The following SEZ6L2 variants were observed in gnomAD, a reference collection of about 807,000 sequenced individuals.
The protein encoded by SEZ6L2 is seizure 6-like protein 2.
Under a neutral mutation model 97.0 loss-of-function variants are expected in SEZ6L2, and 44 were observed. The ratio of observed to expected loss-of-function variants is 0.45; its 90% CI spans 0.36 to 0.58. The LOEUF is 0.58. Among genes scored for constraint, SEZ6L2 ranks in the 20% least tolerant of loss-of-function variants. SEZ6L2 has a pLI of 0.00. For synonymous variants in SEZ6L2, 543 were observed against 546.1 expected, an observed-to-expected ratio of 0.99 and a Z score of 0.08; for missense variants, 1,086 against 1,233.3, an observed-to-expected ratio of 0.88 and a Z score of 1.79.
At chr16:29,888,428 C>A (rs1273975690) in intron 6 of SEZ6L2, 112 bp downstream of exon 6, 5 of 1,142,350 alleles carry the variant, frequency 4.4e-6, no homozygotes, top group Non-Finnish European at 6.3e-6. Context: ...AGGGTAAACA[C>A]CCCTTCAGAA....
chr16:29,899,137 G>A lies in SEZ6L2; in HGVS notation c.-118C>T. 1 of 707,860 alleles carries A rather than the reference G, an allele frequency of 1.4e-6. No individual in the cohort carries two copies. The highest frequency in any genetic ancestry group is 2.2e-6 in the Non-Finnish European group (1 of 451,212). 43.8% of individuals were successfully genotyped at this position (707,860 alleles called of 1,614,324 possible). A position where few individuals can be genotyped will look rare whatever the true frequency, so the allele number is the denominator to read the frequency against. On this transcript the variant is annotated 5_prime_UTR_variant, in exon 1 of 18. In the 5' UTR this introduces an upstream ATG that the reference lacks. Transcript: ENST00000617533. ...TTTTTTTTTTTTTTTTTTTTTCCTC[G>A]TAGGAGTCAGCAAAGAAAGACAATT...
chr16:29,875,967 C>A (rs1399474634), intron 12 of SEZ6L2, among the ~76,000 whole-genome samples: 1 of 152,010 alleles, frequency 6.6e-6, no homozygotes, highest in Admixed American at 6.6e-5. Flanking sequence ...TAAATGTCAC[C>A]TCCTCTGTGA....
rs540553288 is a variant in SEZ6L2 at position 29,873,849 on chromosome 16, C to T, written c.2105-120G>A. On this transcript the variant is annotated intron_variant, in intron 12 of 17. Coordinates refer to ENST00000617533, the MANE Select transcript of SEZ6L2 (RefSeq NM_001243332.2). The surrounding 1 kb of genome is among the most constrained non-coding windows in gnomAD (Gnocchi z 4.3). ...ATTAGCCAGGAGTGGTGGCGCACTC[C>T]TGTGGTTCCAGCTACTCAGGAGTTG... is the stretch of plus-strand genomic sequence containing the variant. The T allele has an allele frequency of 2.5e-5, 22 of 882,176 alleles. 1 individual carries two copies. The highest frequency in any genetic ancestry group is 3.7e-5 in the Non-Finnish European group (22 of 595,144). 54.6% of individuals were successfully genotyped at this position (882,176 alleles called of 1,614,324 possible).
chr16:29,874,229 G>A (rs1222001859), intron 12 of SEZ6L2, among the ~76,000 whole-genome samples: 3 of 152,146 alleles, frequency 2.0e-5, no homozygotes, highest in African/African-American at 4.8e-5. Context: ...GAAACCCCAA[G>A]CCCCTATCCT....
At chr16:29,887,298 G>A (rs904854119) in intron 7 of SEZ6L2, among the ~76,000 whole-genome samples, 1 of 151,378 alleles carries the variant, frequency 6.6e-6, no homozygotes, top group African/African-American at 2.4e-5. Context: ...CCCTGAGGTG[G>A]GGACTTCTTT....
chr16:29,893,997 A>C (rs952116773), intron 5 of SEZ6L2, among the ~76,000 whole-genome samples: 2 of 152,162 alleles, frequency 1.3e-5, no homozygotes, highest in Non-Finnish European at 2.9e-5. Context: ...CAGCCTCCCA[A>C]GTAACTGGGA....
In SEZ6L2 at chr16:29,871,200, T is replaced by G; in HGVS notation, c.*499A>C. 1 of 176,132 alleles carries G rather than the reference T, an allele frequency of 5.7e-6. No homozygotes were observed. The highest frequency in any genetic ancestry group is 1.2e-5 in the Non-Finnish European group (1 of 80,726). The allele number at this position is 176,132 out of a possible 1,614,324, so 10.9% of individuals were successfully genotyped here. ...TCTGTTTATTGCTCAAAAACAAGAA[T>G]TCAGAAGCAAAGGTGGAGAGACTGT... On this transcript the variant is annotated 3_prime_UTR_variant, in exon 18 of 18. Transcript: ENST00000617533.
chr16:29,873,846 C>A lies in SEZ6L2; in HGVS notation c.2105-117G>T. The A allele has an allele frequency of 1.1e-6, 1 of 898,924 alleles. No homozygotes were observed. The highest frequency in any genetic ancestry group is 1.6e-6 in the Non-Finnish European group (1 of 609,694). The allele number at this position is 898,924 out of a possible 1,614,324, so 55.7% of individuals were successfully genotyped here. A position where few individuals can be genotyped will look rare whatever the true frequency, so the allele number is the denominator to read the frequency against. On this transcript the variant is annotated intron_variant, in intron 12 of 17. Coordinates refer to ENST00000617533, the MANE Select transcript of SEZ6L2 (RefSeq NM_001243332.2). This position sits in a 1 kb window ranked among gnomAD's most constrained non-coding sequence, Gnocchi z 4.3. ...AAAATTAGCCAGGAGTGGTGGCGCA[C>A]TCCTGTGGTTCCAGCTACTCAGGAG...
chr16:29,891,828 A>C (rs1283215772), intron 5 of SEZ6L2, among the ~76,000 whole-genome samples: 1 of 152,212 alleles, frequency 6.6e-6, no homozygotes, highest in Admixed American at 6.5e-5. Flanking sequence ...TAACGGCAAT[A>C]ATAATTCCTA....
intron 2 of SEZ6L2, among the ~76,000 whole-genome samples, 200 bp downstream of exon 2, chr16:29,897,653 C>T (rs531529572): frequency 1.3e-5 from 2 of 152,340 alleles, no homozygotes; most frequent in Admixed American, 1.3e-4. Flanking sequence ...CATTCTGTCT[C>T]TGTCTCTCTG....
chr16:29,881,944 T>G (rs925745820), intron 8 of SEZ6L2, among the ~76,000 whole-genome samples: 95 of 149,830 alleles, frequency 6.3e-4, no homozygotes, highest in Non-Finnish European at 1.2e-3. Flanking sequence ...TTTTTTTTTT[T>G]TGAGATTTTT....
At chr16:29,895,178 CAAAAAAAAA>C (rs55954869) in intron 5 of SEZ6L2, 72 bp downstream of exon 5, 6 of 568,100 alleles carry the variant, frequency 1.1e-5, no homozygotes, top group Non-Finnish European at 1.1e-5. Context: ...GACTCTGTCT[CAAAAAAAAA>C]AAAAAAAAAA....
intron 9 of SEZ6L2, 56 bp downstream of exon 9, chr16:29,879,808 C>G (rs2067991335): frequency 6.7e-7 from 1 of 1,482,002 alleles, no homozygotes; most frequent in Non-Finnish European, 9.1e-7. Context: ...TGCTGGGATC[C>G]CCAGTTCAGG....
In SEZ6L2 at chr16:29,888,561, C is replaced by T. The variant is rs143818590; in HGVS notation, c.1018G>A (p.Gly340Ser). ...CLNGTRPSWN[G>S]ETPSCMASCG... ...TCACCCATGCAGCTGGGGGTTTCAC[C>T]GTTCCAGGATGGCCGGGTGCCATTG... Residue 340 changes from glycine (G) to serine (S), a missense_variant, in exon 6 of 18, where the codon GGT (glycine) becomes AGT (serine). By Grantham distance (56) the Gly-to-Ser change is moderately conservative. This residue lies in a region of SEZ6L2 where 776 missense variants were observed against 794.7 expected (regional missense o/e 0.98). Coordinates refer to ENST00000617533, the MANE Select transcript of SEZ6L2 (RefSeq NM_001243332.2). 10 of 1,613,752 alleles carry T rather than the reference C, an allele frequency of 6.2e-6. No individual in the cohort carries two copies. The highest frequency in any genetic ancestry group is 1.6e-4 in the Middle Eastern group (1 of 6,082).
At chr16:29,885,280 A>C (rs1304446330) in intron 8 of SEZ6L2, among the ~76,000 whole-genome samples, 1 of 152,186 alleles carries the variant, frequency 6.6e-6, no homozygotes, top group Non-Finnish European at 1.5e-5. Flanking sequence ...TGTCCATCAC[A>C]CAGGGAAAGT....
At chr16:29,897,206 T>G in intron 2 of SEZ6L2, 85 bp from the exon 3 acceptor site, 1 of 1,211,066 alleles carries the variant, frequency 8.3e-7, no homozygotes, top group Non-Finnish European at 1.1e-6. Context: ...AAGCTAGGGG[T>G]TCCCCTGCCA....
intron 10 of SEZ6L2, 147 bp from the exon 11 acceptor site, chr16:29,877,614 C>T: frequency 4.1e-6 from 3 of 737,520 alleles, no homozygotes. Flanking sequence ...GGCGCCGCCT[C>T]CGTTTTGACC....
At chr16:29,893,932 G>T (rs991260168) in intron 5 of SEZ6L2, among the ~76,000 whole-genome samples, 2 of 152,106 alleles carry the variant, frequency 1.3e-5, no homozygotes, top group Non-Finnish European at 2.9e-5. Context: ...GTACAATGGC[G>T]CAATCTCAGC....
intron 8 of SEZ6L2, among the ~76,000 whole-genome samples, chr16:29,883,930 C>CAATAAT (rs200466367): frequency 2.7e-4 from 41 of 151,322 alleles, no homozygotes; most frequent in East Asian, 7.8e-4. Context: ...AGACCTATTT[C>CAATAAT]AATAATAATA....
Sources: allele counts gnomAD v4.1 joint callset (sites outside exome capture counted in the v4.1 genomes callset), GRCh38; gene constraint gnomAD v4.1.1; regional missense constraint gnomAD v4.1.1; non-coding constraint Gnocchi (gnomAD v3.1); transcripts MANE v1.5; gene names NCBI Gene and HGNC (gene_info 2026-07-23, HGNC 2026-07-21).